The following SYTL4 variants were observed in gnomAD, a reference collection of about 807,000 sequenced individuals.
SYTL4 encodes synaptotagmin like 4, also known as synaptotagmin-like protein 4.
Under a neutral mutation model 52.7 loss-of-function variants are expected in SYTL4, and 16 were observed. The ratio of observed to expected loss-of-function variants is 0.30; its 90% CI spans 0.21 to 0.46. SYTL4 has a LOEUF of 0.46. Ranked by LOEUF, SYTL4 falls within the 20% of genes least tolerant of loss-of-function variation. The pLI is 1.00. For missense variants in SYTL4, 423 were observed against 519.9 expected (o/e 0.81, Z 1.81); for synonymous variants, 160 against 186.6 (o/e 0.86, Z 1.16).
At chrX:100,720,945 A>G (rs1187689881) in intron 2 of SYTL4, among the ~76,000 whole-genome samples, 1 of 111,689 alleles carries the variant, frequency 9.0e-6, no homozygotes, top group African/African-American at 3.3e-5. Flanking sequence ...AAAAATAAAC[A>G]TAAAATATTA....
At position 100,704,796 on chromosome X, in the gene SYTL4, G is replaced by A. The variant is rs190249493; in HGVS notation, c.-164+15C>T. 3 of 111,944 alleles carry A rather than the reference G, an allele frequency of 2.7e-5. No homozygotes were observed. The highest frequency in any genetic ancestry group is 5.6e-5 in the Non-Finnish European group (3 of 53,148). The allele number at this position is 111,944 out of a possible 1,213,427, so 9.2% of individuals were successfully genotyped here. A position where few individuals can be genotyped will look rare whatever the true frequency, so the allele number is the denominator to read the frequency against. ...GTAGACAGAGAGTGAAAAAGGAAAT[G>A]AGAATCACACTTACCTTCTCTCCTC... is the stretch of plus-strand genomic sequence containing the variant. On this transcript the variant is annotated intron_variant, in intron 3 of 19. Transcript: ENST00000372989.
rs1270508355 is a variant in SYTL4, at chrX:100,705,387, A to G, written c.-239-501T>C. Reference sequence around the variant, plus strand: ...AAGTAAGTGAAATTGCAGGGATTCAAGCCCAGGCAATCTGATACCAGAGTT... The same window carrying G: ...AAGTAAGTGAAATTGCAGGGATTCAGGCCCAGGCAATCTGATACCAGAGTT... On this transcript the variant is annotated intron_variant, in intron 2 of 19. Transcript: ENST00000372989. 3.6e-5 allele frequency among the ~76,000 whole-genome samples: 4 copies of G among 112,063 alleles called. No homozygotes were observed. In the East Asian group the frequency reaches 1.1e-3, roughly 31 times the overall value.
At chrX:100,714,143 C>T (rs763533447) in intron 2 of SYTL4, among the ~76,000 whole-genome samples, 84 of 111,689 alleles carry the variant, frequency 7.5e-4, no homozygotes, top group African/African-American at 2.6e-3. Context: ...TGTTTTTAAA[C>T]ATTTTAATAT....
In SYTL4 at chrX:100,688,447, G is replaced by A. The variant is rs2083515864; in HGVS notation, c.913-4C>T. The A allele has an allele frequency of 3.4e-6, 4 of 1,181,826 alleles. No homozygotes were observed. The highest frequency in any genetic ancestry group is 2.3e-4 in the Middle Eastern group (1 of 4,268). On this transcript the variant is annotated splice_polypyrimidine_tract_variant and splice_region_variant and intron_variant, in intron 12 of 19. Coordinates refer to ENST00000372989, the MANE Select transcript of SYTL4 (RefSeq NM_001370165.1). Reference sequence around the variant, plus strand: ...CTTCTTCTTCTTCTTCCTCTTCCTGGAACAATAAATATAAATTCAGAGTTA... The same window carrying A: ...CTTCTTCTTCTTCTTCCTCTTCCTGAAACAATAAATATAAATTCAGAGTTA...
chrX:100,722,117 A>G (rs1193561016), intron 2 of SYTL4, among the ~76,000 whole-genome samples: 1 of 111,396 alleles, frequency 9.0e-6, no homozygotes, highest in Non-Finnish European at 1.9e-5. Flanking sequence ...TATTGTTTCA[A>G]CTGCACTCTT....
intron 12 of SYTL4, 141 bp downstream of exon 12, chrX:100,689,715 T>C: frequency 2.7e-6 from 1 of 373,172 alleles, no homozygotes; most frequent in Non-Finnish European, 4.7e-6. Context: ...CCAGATTTAC[T>C]TTAGAAACTT....
At chrX:100,691,811 T>C (rs1013298078) in intron 8 of SYTL4, among the ~76,000 whole-genome samples, 2 of 111,461 alleles carry the variant, frequency 1.8e-5, no homozygotes, top group Non-Finnish European at 3.8e-5. Flanking sequence ...GTGCTGGGAT[T>C]ACAGGCGTAA....
In SYTL4 at chrX:100,703,176, G is replaced by A. The variant is rs371717805; in HGVS notation, c.-154C>T. 1 of 110,793 alleles carries A rather than the reference G, an allele frequency of 9.0e-6. No homozygotes were observed. The highest frequency in any genetic ancestry group is 2.8e-4 in the East Asian group (1 of 3,541). 9.1% of individuals were successfully genotyped at this position (110,793 alleles called of 1,213,427 possible). On this transcript the variant is annotated 5_prime_UTR_variant, in exon 4 of 20. Transcript: ENST00000372989. Reference sequence around the variant, plus strand: ...AAGACCAGCCTGGGCAACACAGGGCGACTCAGTCTCTACAAAAAGAAAAAT... The same window carrying A: ...AAGACCAGCCTGGGCAACACAGGGCAACTCAGTCTCTACAAAAAGAAAAAT...
chrX:100,701,431 C>T (rs773966264), intron 6 of SYTL4, 27 bp downstream of exon 6: 1 of 1,199,852 alleles, frequency 8.3e-7, no homozygotes, highest in Non-Finnish European at 1.1e-6. Context: ...CTCGCCCCCT[C>T]TCTACTCAGC....
intron 2 of SYTL4, among the ~76,000 whole-genome samples, chrX:100,717,641 GT>G (rs1222746958): frequency 2.7e-5 from 3 of 112,439 alleles, no homozygotes; most frequent in African/African-American, 9.7e-5. Context: ...TCATTGAAGA[GT>G]TTTATGTAAA....
intron 12 of SYTL4, 117 bp from the exon 13 acceptor site, chrX:100,688,560 C>T (rs1016480848): frequency 1.1e-5 from 4 of 374,516 alleles, no homozygotes; most frequent in African/African-American, 6.5e-5. Flanking sequence ...CGCACACATA[C>T]TTCTTTTTTT....
intron 8 of SYTL4, among the ~76,000 whole-genome samples, chrX:100,692,641 G>A (rs961367881): frequency 4.5e-4 from 50 of 111,460 alleles, no homozygotes; most frequent in Non-Finnish European, 5.5e-4. Context: ...ATTAGTGAGA[G>A]CAGCAGGAAA....
intron 2 of SYTL4, among the ~76,000 whole-genome samples, chrX:100,712,049 T>C (rs2084083408): frequency 9.0e-6 from 1 of 110,827 alleles, no homozygotes; most frequent in African/African-American, 3.3e-5. Context: ...CAGCAAGATA[T>C]CATTCAAAAA....
At chrX:100,714,678 A>G (rs73557587) in intron 2 of SYTL4, among the ~76,000 whole-genome samples, 13,546 of 111,706 alleles carry the variant, frequency 0.12, 1,535 homozygotes, top group African/African-American at 0.37. Context: ...AAAAACATAA[A>G]AGACAGCAGG....
chrX:100,716,561 A>G (rs560654907), intron 2 of SYTL4, among the ~76,000 whole-genome samples: 18 of 106,320 alleles, frequency 1.7e-4, no homozygotes, highest in Admixed American at 8.2e-4. Context: ...AAAAAAAAAA[A>G]AAAAAGAAAA....
intron 8 of SYTL4, among the ~76,000 whole-genome samples, chrX:100,700,691 A>T (rs1028633357): frequency 1.1e-4 from 12 of 112,341 alleles, no homozygotes; most frequent in Non-Finnish European, 2.3e-4. Context: ...AAAAATAAAG[A>T]ACTAAGTAAA....
chrX:100,728,600 G>A (rs1602955357), intron 2 of SYTL4, among the ~76,000 whole-genome samples: 1 of 111,747 alleles, frequency 8.9e-6, no homozygotes. Context: ...TTGATCTTGC[G>A]AGAAGCCTGA....
chrX:100,714,709 G>A (rs2084165097), intron 2 of SYTL4, among the ~76,000 whole-genome samples: 1 of 112,131 alleles, frequency 8.9e-6, no homozygotes, highest in Non-Finnish European at 1.9e-5. Flanking sequence ...GCAATAAAAT[G>A]TTTGCATAAC....
chrX:100,722,500 C>T (rs6620924), intron 2 of SYTL4, among the ~76,000 whole-genome samples: 36,598 of 110,320 alleles, frequency 0.33, 5,334 homozygotes, highest in East Asian at 0.52. Flanking sequence ...AAGTTCCTGC[C>T]GCCAAATCTA....
Sources: allele counts gnomAD v4.1 joint callset (sites outside exome capture counted in the v4.1 genomes callset), GRCh38; gene constraint gnomAD v4.1.1; transcripts MANE v1.5; gene names NCBI Gene and HGNC (gene_info 2026-07-23, HGNC 2026-07-21).